SLC38A1: variants seen among roughly 807,000 people sequenced by gnomAD.
The protein encoded by SLC38A1 is sodium-coupled neutral amino acid symporter 1.
SLC38A1 carries 18 observed loss-of-function variants against 60.3 expected under a neutral mutation model. The ratio of observed to expected loss-of-function variants is 0.30; its 90% CI spans 0.21 to 0.44. SLC38A1 has a LOEUF of 0.44. Among genes scored for constraint, SLC38A1 ranks in the 20% least tolerant of loss-of-function variants. SLC38A1 has a pLI of 1.00. For missense variants in SLC38A1, 448 were observed against 587.2 expected (o/e 0.76, Z 2.45); for synonymous variants, 196 against 212.1 (o/e 0.92, Z 0.66).
At chr12:46,237,078 G>T (rs1941285556) in intron 3 of SLC38A1, among the ~76,000 whole-genome samples, 1 of 152,172 alleles carries the variant, frequency 6.6e-6, no homozygotes, top group Admixed American at 6.6e-5. Context: ...AAGAATAAAA[G>T]GTTCTTATTG....
intron 1 of SLC38A1, among the ~76,000 whole-genome samples, chr12:46,259,120 C>T (rs534428523): frequency 9.9e-5 from 15 of 152,284 alleles, no homozygotes; most frequent in South Asian, 8.3e-4. Context: ...CATTTTACCA[C>T]GCATATGTAT....
chr12:46,187,173 G>C lies in SLC38A1; in HGVS notation c.*1797C>G, dbSNP rs1026495673. 6.6e-6 allele frequency: 1 copy of C among 152,176 alleles called. No individual in the cohort carries two copies. Among genetic ancestry groups the C allele is most frequent in the African/African-American group, 2.4e-5 (1 of 41,428 alleles). 9.4% of individuals were successfully genotyped at this position (152,176 alleles called of 1,614,324 possible). A position where few individuals can be genotyped will look rare whatever the true frequency, so the allele number is the denominator to read the frequency against. ...TTCATTCTCCCCCCTAGAGGATCAC[G>C]ACAGGTGCTTCAATGCCTGCCTTAT... On this transcript the variant is annotated 3_prime_UTR_variant, in exon 17 of 17. Coordinates refer to ENST00000398637, the MANE Select transcript of SLC38A1 (RefSeq NM_030674.4).
intron 1 of SLC38A1, among the ~76,000 whole-genome samples, chr12:46,247,666 A>G (rs886850944): frequency 6.6e-5 from 10 of 152,206 alleles, no homozygotes; most frequent in African/African-American, 2.2e-4. Flanking sequence ...CAACACTCAA[A>G]TTTAGGAAAT....
intron 3 of SLC38A1, among the ~76,000 whole-genome samples, chr12:46,231,040 A>G (rs1396961989): frequency 6.6e-6 from 1 of 152,224 alleles, no homozygotes; most frequent in African/African-American, 2.4e-5. Flanking sequence ...AAGTCATGGA[A>G]TCAACCTAAG....
intron 16 of SLC38A1, among the ~76,000 whole-genome samples, chr12:46,191,688 CAGAG>C: frequency 6.6e-6 from 1 of 152,216 alleles, no homozygotes; most frequent in Non-Finnish European, 1.5e-5. Context: ...TTATTCTCTT[CAGAG>C]TAAATGTGAA....
At chr12:46,253,701 C>T (rs1941934181) in intron 1 of SLC38A1, among the ~76,000 whole-genome samples, 1 of 152,188 alleles carries the variant, frequency 6.6e-6, no homozygotes, top group African/African-American at 2.4e-5. Flanking sequence ...CTCTCAGCCT[C>T]ATTTTACTCA....
chr12:46,189,427 T>C (rs181772511), intron 16 of SLC38A1, among the ~76,000 whole-genome samples: 6 of 152,294 alleles, frequency 3.9e-5, no homozygotes, highest in Admixed American at 2.6e-4. Flanking sequence ...TTAGAAAATA[T>C]CCAGGTCATT....
intron 5 of SLC38A1, among the ~76,000 whole-genome samples, chr12:46,211,202 C>A (rs1446599756): frequency 3.3e-5 from 5 of 152,118 alleles, no homozygotes; most frequent in Admixed American, 2.6e-4. Context: ...TAGAGGATTT[C>A]CGTGTGGCAC....
intron 12 of SLC38A1, 135 bp from the exon 13 acceptor site, chr12:46,201,333 C>A (rs2137056368): frequency 1.5e-6 from 1 of 674,580 alleles, no homozygotes; most frequent in South Asian, 2.0e-5. Flanking sequence ...TTACCCCTGG[C>A]AGTTATGCCA....
intron 1 of SLC38A1, among the ~76,000 whole-genome samples, chr12:46,264,038 C>A (rs1942279298): frequency 6.6e-6 from 1 of 152,162 alleles, no homozygotes; most frequent in Non-Finnish European, 1.5e-5. Flanking sequence ...GGCTCCATCC[C>A]AGGCCAACTA....
In SLC38A1 at chr12:46,229,534, A is replaced by G. The variant is rs1555188361; in HGVS notation, c.198+30T>C. On this transcript the variant is annotated intron_variant, in intron 4 of 16. Transcript: ENST00000398637. The stretch of plus-strand genomic sequence containing the variant: ...TGTCCCAATTTATATGATTAAAAAA[A>G]TAAGCATACTTCATTATAATGATAC... The G allele has an allele frequency of 3.9e-6, 6 of 1,525,448 alleles. No homozygotes were observed. In the Middle Eastern group the frequency reaches 5.1e-4, roughly 130 times the overall value. 94.5% of individuals were successfully genotyped at this position (1,525,448 alleles called of 1,614,324 possible). A position where few individuals can be genotyped will look rare whatever the true frequency, so the allele number is the denominator to read the frequency against.
Position 46,188,832 on chromosome 12 carries a change from C to A in SLC38A1, c.*138G>T, listed in dbSNP as rs1939025043. 1.5e-6 allele frequency: 1 copy of A among 664,444 alleles called. No individual in the cohort carries two copies. Among genetic ancestry groups the A allele is most frequent in the African/African-American group, 1.8e-5 (1 of 55,998 alleles). The allele number at this position is 664,444 out of a possible 1,614,324, so 41.2% of individuals were successfully genotyped here. A position where few individuals can be genotyped will look rare whatever the true frequency, so the allele number is the denominator to read the frequency against. On this transcript the variant is annotated 3_prime_UTR_variant, in exon 17 of 17. Transcript: ENST00000398637. ...TAGAACCATGTCTCTGTTTTGCAACCAAAAAGTTATTCCATTTTAAGTATC... is the reference window on the plus strand; with the variant it reads ...TAGAACCATGTCTCTGTTTTGCAACAAAAAAGTTATTCCATTTTAAGTATC...
chr12:46,197,966 A>G lies in SLC38A1; in HGVS notation c.1217T>C (p.Leu406Ser), dbSNP rs1270975310. Residue 406 changes from leucine to serine, a missense_variant, in exon 15 of 17, where the codon TTG becomes TCG. Around this residue, in one of 2 missense-constraint regions of SLC38A1, gnomAD observed 346 missense variants for 497.5 expected, o/e 0.70. Coordinates refer to ENST00000398637, the MANE Select transcript of SLC38A1 (RefSeq NM_030674.4). ...VTCILLVVINLLVIFIPSMKD... is the reference protein window; with the variant it reads ...VTCILLVVINSLVIFIPSMKD... The stretch of plus-strand genomic sequence containing the variant: ...CATGGAGGGTATGAAGATCACCAAC[A>G]AGTTGATAACAACCAAGAGTATGCA... The G allele has an allele frequency of 6.2e-7, 1 of 1,614,012 alleles. No homozygotes were observed. The highest frequency in any genetic ancestry group is 8.5e-7 in the Non-Finnish European group (1 of 1,179,990).
chr12:46,259,108 A>G (rs962031834), intron 1 of SLC38A1, among the ~76,000 whole-genome samples: 5 of 152,194 alleles, frequency 3.3e-5, no homozygotes, highest in Admixed American at 2.0e-4. Flanking sequence ...GACTCTAGTA[A>G]CCATTTTACC....
chr12:46,216,288 G>A (rs547480092), intron 5 of SLC38A1, among the ~76,000 whole-genome samples: 1 of 152,328 alleles, frequency 6.6e-6, no homozygotes, highest in African/African-American at 2.4e-5. Context: ...AGCTGAAAAT[G>A]ATGGAGGGGC....
At chr12:46,210,527 G>A (rs1940112515) in intron 5 of SLC38A1, among the ~76,000 whole-genome samples, 1 of 152,188 alleles carries the variant, frequency 6.6e-6, no homozygotes, top group Non-Finnish European at 1.5e-5. Flanking sequence ...CCTTGAGTGA[G>A]GAGGCTGATT....
chr12:46,209,998 C>T (rs969301401), intron 5 of SLC38A1, among the ~76,000 whole-genome samples: 1 of 152,124 alleles, frequency 6.6e-6, no homozygotes, highest in Non-Finnish European at 1.5e-5. Context: ...AAAATATATC[C>T]CTAGAACAAT....
At chr12:46,229,029 C>A in intron 5 of SLC38A1, 124 bp downstream of exon 5, 1 of 570,298 alleles carries the variant, frequency 1.8e-6, no homozygotes, top group South Asian at 2.7e-5. Context: ...AAAGTATGTA[C>A]TTGTAACTTA....
intron 5 of SLC38A1, among the ~76,000 whole-genome samples, chr12:46,226,252 A>G (rs1940858604): frequency 6.6e-6 from 1 of 152,186 alleles, no homozygotes; most frequent in African/African-American, 2.4e-5. Context: ...GAAACATACA[A>G]ATCTTTTTCT....
Sources: gnomAD v4.1 joint callset for allele counts (sites outside exome capture counted in the v4.1 genomes callset) on GRCh38, gnomAD v4.1.1 for gene constraint, gnomAD v4.1.1 regional missense constraint, MANE v1.5 for transcripts, NCBI Gene and HGNC (gene_info 2026-07-23, HGNC 2026-07-21) for gene names.